Variants in EPHA5 observed in about 807,000 individuals in gnomAD.
The protein encoded by EPHA5 is EPH receptor A5.
EPHA5 carries 60 observed loss-of-function variants against 105.0 expected under a neutral mutation model. The ratio of observed to expected loss-of-function variants is 0.57; its 90% CI spans 0.46 to 0.71. The LOEUF (loss-of-function observed/expected upper bound fraction) is 0.71. Ranked by LOEUF, EPHA5 falls within the 30% of genes least tolerant of loss-of-function variation. The pLI is 0.00. For synonymous variants in EPHA5, 513 were observed against 449.1 expected, an observed-to-expected ratio of 1.14 and a Z score of -1.80; for missense variants, 1,218 against 1,274.7, an observed-to-expected ratio of 0.96 and a Z score of 0.68.
chr4:65,359,260 T>C (rs1388682072), intron 11 of EPHA5, among the ~76,000 whole-genome samples: 1 of 151,640 alleles, frequency 6.6e-6, no homozygotes, highest in African/African-American at 2.4e-5. Flanking sequence ...ACCAAATTAA[T>C]GAGCTTGGTT....
intron 5 of EPHA5, among the ~76,000 whole-genome samples, chr4:65,465,294 G>A (rs906019405): frequency 2.6e-5 from 4 of 151,530 alleles, no homozygotes; most frequent in Non-Finnish European, 5.9e-5. Flanking sequence ...AAATTAGCCG[G>A]GCGTGGTCGT....
chr4:65,475,907 C>A (rs901651167), intron 5 of EPHA5, among the ~76,000 whole-genome samples: 7 of 152,150 alleles, frequency 4.6e-5, no homozygotes, highest in African/African-American at 1.7e-4. Flanking sequence ...TTAACAAAAT[C>A]ATTGCTGGTG....
Position 65,650,260 on chromosome 4 carries a change from T to A in EPHA5, c.182-6833A>T, listed in dbSNP as rs1748474331. Among the ~76,000 whole-genome samples, 4 of 151,940 alleles carry A rather than the reference T, an allele frequency of 2.6e-5. No homozygotes were observed. The South Asian group carries it at 8.3e-4, about 32-fold the overall frequency. ...ACGAGTGCAATGCCATATAACTAGT[T>A]GCTCTGGCTGGGCGCGGTGGCTCAC... On this transcript the variant is annotated intron_variant, in intron 1 of 16. Transcript: ENST00000613740.
intron 8 of EPHA5, among the ~76,000 whole-genome samples, chr4:65,386,633 C>T (rs1720117953): frequency 6.6e-6 from 1 of 151,694 alleles, no homozygotes; most frequent in Non-Finnish European, 1.5e-5. Flanking sequence ...CATTAGCATA[C>T]CTAACAGACA....
intron 11 of EPHA5, among the ~76,000 whole-genome samples, chr4:65,355,404 A>G (rs1577900822): frequency 6.6e-6 from 1 of 151,684 alleles, no homozygotes; most frequent in East Asian, 1.9e-4. Context: ...ACATTCATGA[A>G]TAAAAAATGC....
chr4:65,659,461 T>C (rs910889904), intron 1 of EPHA5, among the ~76,000 whole-genome samples: 2 of 151,670 alleles, frequency 1.3e-5, no homozygotes, highest in Admixed American at 6.6e-5. Context: ...AGAGAGAAGA[T>C]GTTAATACGA....
At chr4:65,345,008 G>A (rs1722079970) in intron 14 of EPHA5, among the ~76,000 whole-genome samples, 1 of 152,058 alleles carries the variant, frequency 6.6e-6, no homozygotes, top group Non-Finnish European at 1.5e-5. Context: ...TTCTGTGATG[G>A]TAAATAAGTC....
rs144072724 is a variant in EPHA5 at position 65,411,675 on chromosome 4, A to G, written c.1687+2609T>C. Among the ~76,000 whole-genome samples, 267 of 152,314 alleles carry G rather than the reference A, an allele frequency of 1.8e-3. 1 individual carries two copies. Among genetic ancestry groups the G allele is most frequent in the African/African-American group, 6.0e-3 (251 of 41,584 alleles). On this transcript the variant is annotated intron_variant, in intron 7 of 16. Transcript: ENST00000613740. ...AATAATAAATGTACATAAAGAATTA[A>G]AATATGGTATGAAGTAAATAATTGC...
intron 8 of EPHA5, among the ~76,000 whole-genome samples, chr4:65,378,715 G>T (rs1399342435): frequency 1.3e-5 from 2 of 151,884 alleles, no homozygotes; most frequent in Non-Finnish European, 1.5e-5. Flanking sequence ...AAAACCGTTT[G>T]CCCTCCTTTG....
chr4:65,357,924 G>C (rs970188346), intron 11 of EPHA5, among the ~76,000 whole-genome samples: 3 of 151,322 alleles, frequency 2.0e-5, no homozygotes, highest in African/African-American at 4.8e-5. Flanking sequence ...AAAGAGAAGA[G>C]AATATGCCGT....
chr4:65,576,058 GAAAAGAAAAGAAAAGA>G (rs1279223279), intron 3 of EPHA5, among the ~76,000 whole-genome samples: 32 of 50,806 alleles, frequency 6.3e-4, no homozygotes, highest in South Asian at 3.0e-3. Context: ...AAGAAAGAAA[GAAAAGAAAAGAAAAGA>G]AAAGAAAAGA....
intron 3 of EPHA5, among the ~76,000 whole-genome samples, chr4:65,592,514 CAAAAAGA>C (rs773718169): frequency 8.7e-5 from 13 of 149,392 alleles, no homozygotes; most frequent in Non-Finnish European, 1.5e-4. Context: ...TAAAAAAAAA[CAAAAAGA>C]AAAAAGAAAA....
chr4:65,443,905 CTGTGTGTGTG>C (rs57129731), intron 5 of EPHA5, among the ~76,000 whole-genome samples: 2 of 150,046 alleles, frequency 1.3e-5, no homozygotes, highest in Middle Eastern at 3.4e-3. Context: ...GTTTGTGTGC[CTGTGTGTGTG>C]TGTGTGTGTG....
chr4:65,483,366 G>A (rs1379733717), intron 5 of EPHA5, among the ~76,000 whole-genome samples: 1 of 152,132 alleles, frequency 6.6e-6, no homozygotes, highest in Admixed American at 6.5e-5. Context: ...AATCCTTTGG[G>A]TATATACCCA....
chr4:65,324,504 A>T (rs1382705068), intron 16 of EPHA5, among the ~76,000 whole-genome samples: 1 of 151,474 alleles, frequency 6.6e-6, no homozygotes, highest in African/African-American at 2.4e-5. Flanking sequence ...AAATTTGCAC[A>T]TTATTACCAA....
chr4:65,348,659 G>GAGATATATATATAT (rs1553896614), intron 13 of EPHA5, among the ~76,000 whole-genome samples: 2 of 60,228 alleles, frequency 3.3e-5, no homozygotes, highest in African/African-American at 1.2e-4. Context: ...AAACATTGGA[G>GAGATATATATATAT]ATATATATAT....
At chr4:65,415,922 A>G (rs1310043270) in intron 6 of EPHA5, among the ~76,000 whole-genome samples, 2 of 152,036 alleles carry the variant, frequency 1.3e-5, no homozygotes, top group Non-Finnish European at 2.9e-5. Flanking sequence ...ACAGTTACTA[A>G]TTTTTCTGAG....
intron 5 of EPHA5, among the ~76,000 whole-genome samples, chr4:65,470,310 G>A (rs1302076214): frequency 6.6e-6 from 1 of 151,512 alleles, no homozygotes; most frequent in Non-Finnish European, 1.5e-5. Context: ...TCCCACCTCA[G>A]CCTCCCGAGT....
intron 2 of EPHA5, among the ~76,000 whole-genome samples, chr4:65,613,730 A>G (rs962200447): frequency 1.3e-5 from 2 of 152,026 alleles, no homozygotes; most frequent in Non-Finnish European, 2.9e-5. Flanking sequence ...TATCAACCAA[A>G]AGCATACTTT....
Sources: allele counts gnomAD v4.1 joint callset (sites outside exome capture counted in the v4.1 genomes callset), GRCh38; gene constraint gnomAD v4.1.1; transcripts MANE v1.5; gene names NCBI Gene and HGNC (gene_info 2026-07-23, HGNC 2026-07-21).